The following DOCK1 variants were observed in gnomAD, a reference collection of about 807,000 sequenced individuals.
The protein encoded by DOCK1 is dedicator of cytokinesis protein 1.
Under a neutral mutation model 262.7 loss-of-function variants are expected in DOCK1, and 138 were observed. The observed-to-expected ratio is 0.53, with a 90% CI of 0.46 to 0.61. The LOEUF is 0.61. DOCK1 is among the 20% of genes least tolerant of loss of function. The pLI, the probability that DOCK1 is intolerant of heterozygous loss-of-function variation, is 0.00. For missense variants in DOCK1, 1,908 were observed against 2,370.7 expected, an observed-to-expected ratio of 0.80 and a Z score of 4.05; for synonymous variants, 866 against 867.4, an observed-to-expected ratio of 1.00 and a Z score of 0.03.
At chr10:127,068,191 T>G (rs573871549) in intron 23 of DOCK1, among the ~76,000 whole-genome samples, 1 of 152,338 alleles carries the variant, frequency 6.6e-6, no homozygotes, top group East Asian at 1.9e-4. Flanking sequence ...TGTATTTTCT[T>G]GCCTTAAATC....
intron 23 of DOCK1, among the ~76,000 whole-genome samples, chr10:127,067,241 A>G (rs752971378): frequency 1.3e-5 from 2 of 152,180 alleles, no homozygotes; most frequent in Non-Finnish European, 2.9e-5. Flanking sequence ...AGGTGGCTGT[A>G]TCTTGGCCAC....
Position 127,381,263 on chromosome 10 carries a change from G to A in DOCK1, c.3717-15G>A. 1.2e-6 allele frequency: 2 copies of A among 1,601,404 alleles called. No individual in the cohort carries two copies. Among genetic ancestry groups the A allele is most frequent in the South Asian group, 1.1e-5 (1 of 88,320 alleles). The stretch of plus-strand genomic sequence containing the variant: ...AGTGACATTTTAAGAACATACCTCT[G>A]TTTTATTGTCTCAGGTATTTGTACA... On this transcript the variant is annotated splice_polypyrimidine_tract_variant and intron_variant, in intron 36 of 51. Transcript: ENST00000623213.
At chr10:127,020,689 C>T (rs891090043) in intron 13 of DOCK1, among the ~76,000 whole-genome samples, 34 of 152,114 alleles carry the variant, frequency 2.2e-4, no homozygotes, top group African/African-American at 8.2e-4. Context: ...ATATATCTCA[C>T]AGGAAGTGAT....
intron 33 of DOCK1, among the ~76,000 whole-genome samples, chr10:127,369,665 A>G (rs1590740513): frequency 6.6e-6 from 1 of 152,208 alleles, no homozygotes; most frequent in African/African-American, 2.4e-5. Context: ...ATCCCCAGCC[A>G]GGCAGCTCCA....
chr10:127,067,712 A>T (rs2045961113), intron 23 of DOCK1, among the ~76,000 whole-genome samples: 1 of 152,112 alleles, frequency 6.6e-6, no homozygotes, highest in Admixed American at 6.5e-5. Flanking sequence ...TTTCATGAGC[A>T]CTAATGGATC....
intron 36 of DOCK1, 63 bp downstream of exon 36, chr10:127,380,185 C>T (rs2065748306): frequency 8.8e-6 from 11 of 1,252,430 alleles, no homozygotes; most frequent in South Asian, 1.5e-5. Context: ...TGTATGTTTA[C>T]GTATGCTAAG....
intron 29 of DOCK1, among the ~76,000 whole-genome samples, chr10:127,282,608 G>T (rs2061001626): frequency 6.6e-6 from 1 of 152,212 alleles, no homozygotes; most frequent in Non-Finnish European, 1.5e-5. Flanking sequence ...CACCCACAAG[G>T]GGGTCACCAG....
At chr10:126,910,190 A>C (rs1394445574) in intron 1 of DOCK1, among the ~76,000 whole-genome samples, 1 of 152,250 alleles carries the variant, frequency 6.6e-6, no homozygotes, top group African/African-American at 2.4e-5. Context: ...AGCAAAACCA[A>C]ATCAGGGCAT....
intron 27 of DOCK1, among the ~76,000 whole-genome samples, chr10:127,212,877 G>T (rs2058045054): frequency 6.7e-6 from 1 of 148,328 alleles, no homozygotes; most frequent in African/African-American, 2.5e-5. Flanking sequence ...ATGATTTCTT[G>T]CTTTTCAATT....
At chr10:127,181,147 A>T (rs1363460934) in intron 27 of DOCK1, among the ~76,000 whole-genome samples, 1 of 152,230 alleles carries the variant, frequency 6.6e-6, no homozygotes, top group African/African-American at 2.4e-5. Flanking sequence ...TAAAGAATGA[A>T]AATGAATTTC....
intron 2 of DOCK1, among the ~76,000 whole-genome samples, chr10:126,976,205 A>G (rs184872287): frequency 2.0e-5 from 3 of 152,302 alleles, no homozygotes; most frequent in Admixed American, 6.5e-5. Flanking sequence ...ATACTGGGCC[A>G]GCTTATCAAA....
intron 51 of DOCK1, among the ~76,000 whole-genome samples, chr10:127,450,911 C>G (rs957612691): frequency 1.3e-5 from 2 of 152,170 alleles, no homozygotes; most frequent in African/African-American, 4.8e-5. Flanking sequence ...TATGTACTGT[C>G]TAGCCCTTTC....
chr10:127,141,887 T>C (rs550588955), intron 27 of DOCK1, among the ~76,000 whole-genome samples: 2 of 152,192 alleles, frequency 1.3e-5, no homozygotes, highest in Non-Finnish European at 1.5e-5. Context: ...TCAGAACTTA[T>C]CGAAGATCCT....
chr10:127,255,203 C>T (rs1218310307), intron 28 of DOCK1, among the ~76,000 whole-genome samples: 1 of 152,022 alleles, frequency 6.6e-6, no homozygotes, highest in East Asian at 1.9e-4. Context: ...AGTTCAAGAC[C>T]AGCCTGGGTA....
chr10:126,939,895 G>T (rs1219863987), intron 1 of DOCK1, among the ~76,000 whole-genome samples: 1 of 152,192 alleles, frequency 6.6e-6, no homozygotes, highest in Non-Finnish European at 1.5e-5. Flanking sequence ...CAATGAAGGA[G>T]ACTGCTTCCT....
intron 27 of DOCK1, among the ~76,000 whole-genome samples, chr10:127,225,542 A>C (rs1237436571): frequency 6.6e-6 from 1 of 152,214 alleles, no homozygotes; most frequent in Non-Finnish European, 1.5e-5. Context: ...GCCAGCAACC[A>C]AATGAAGGGC....
At chr10:127,042,474 A>G (rs2044083363) in intron 19 of DOCK1, 151 bp from the exon 20 acceptor site, 1 of 627,188 alleles carries the variant, frequency 1.6e-6, no homozygotes, top group South Asian at 2.4e-5. Context: ...TGTCTTGTGT[A>G]TCTAGTGGCT....
In DOCK1 at chr10:126,993,863, T is replaced by C. The variant is rs142923900; in HGVS notation, c.474-2885T>C. 8.1e-3 allele frequency among the ~76,000 whole-genome samples: 1,241 copies of C among 152,344 alleles called. 21 individuals are homozygous for C. The highest frequency in any genetic ancestry group is 0.028 in the African/African-American group (1,176 of 41,582). On this transcript the variant is annotated intron_variant, in intron 6 of 51. Transcript: ENST00000623213. ...CTCCAAAGACTAAATATGTTTGAGA[T>C]GCTGGCAGACTCGTATCTGGCTTTA...
At chr10:127,068,609 A>G (rs2135900140) in intron 23 of DOCK1, among the ~76,000 whole-genome samples, 1 of 152,366 alleles carries the variant, frequency 6.6e-6, no homozygotes, top group Admixed American at 6.5e-5. Context: ...AAGTTAATTA[A>G]GAAAAATAAG....
Sources: allele counts gnomAD v4.1 joint callset (sites outside exome capture counted in the v4.1 genomes callset), GRCh38; gene constraint gnomAD v4.1.1; transcripts MANE v1.5; gene names NCBI Gene and HGNC (gene_info 2026-07-23, HGNC 2026-07-21).